The following WDR17 variants were observed in gnomAD, a reference collection of about 807,000 sequenced individuals.
The protein encoded by WDR17 is WD repeat-containing protein 17.
WDR17 carries 143 observed loss-of-function variants against 161.7 expected under a neutral mutation model. The observed-to-expected ratio is 0.88, with a 90% CI of 0.77 to 1.02. The LOEUF is 1.02. Ranked by LOEUF, WDR17 falls within the 50% of genes least tolerant of loss-of-function variation. WDR17 has a pLI of 0.00. For missense variants in WDR17, 1,469 were observed against 1,520.9 expected (o/e 0.97, Z 0.57); for synonymous variants, 517 against 515.6 (o/e 1.00, Z -0.04).
intron 18 of WDR17, among the ~76,000 whole-genome samples, chr4:176,157,691 T>A (rs886502747): frequency 6.6e-6 from 1 of 152,256 alleles, no homozygotes; most frequent in African/African-American, 2.4e-5. Flanking sequence ...CGTGTTAATA[T>A]TGCAGAATAA....
intron 2 of WDR17, among the ~76,000 whole-genome samples, chr4:176,113,808 T>C (rs1262709487): frequency 6.6e-6 from 1 of 152,032 alleles, no homozygotes; most frequent in Admixed American, 6.6e-5. Flanking sequence ...TTCTGAATGA[T>C]TAAATGATAA....
At chr4:176,177,006 C>A in intron 26 of WDR17, 52 bp from the exon 27 acceptor site, 1 of 1,304,232 alleles carries the variant, frequency 7.7e-7, no homozygotes, top group Non-Finnish European at 1.1e-6. Flanking sequence ...TTTGCTTTTT[C>A]TGATATCTTA....
rs1207761849 is a variant in WDR17, at chr4:176,119,967, T to G, written c.408T>G (p.Asp136Glu). 6.2e-7 allele frequency: 1 copy of G among 1,613,916 alleles called. No homozygotes were observed. Among genetic ancestry groups the G allele is most frequent in the African/African-American group, 1.3e-5 (1 of 74,888 alleles). Residue 136 changes from aspartate (D) to glutamate (E), a missense_variant, in exon 4 of 29, where the codon GAT becomes GAG. By Grantham distance (45) the Asp-to-Glu change is conservative. Coordinates refer to ENST00000508596, the MANE Select transcript of WDR17 (RefSeq NM_181265.4). ...PLFIWTISGPDSGVIVHKDAH... is the reference protein window; with the variant it reads ...PLFIWTISGPESGVIVHKDAH... Reference sequence around the variant, plus strand: ...TCATTTGGACCATCTCAGGACCAGATAGTGGAGTGATTGTACACAAAGATG... The same window carrying G: ...TCATTTGGACCATCTCAGGACCAGAGAGTGGAGTGATTGTACACAAAGATG...
chr4:176,076,235 A>AATG (rs1334761273), intron 1 of WDR17, among the ~76,000 whole-genome samples: 3 of 33,480 alleles, frequency 9.0e-5, no homozygotes, highest in Non-Finnish European at 3.0e-4. Context: ...ATATATATAT[A>AATG]TATATATATA....
At chr4:176,069,994 G>A (rs1733019532) in intron 1 of WDR17, among the ~76,000 whole-genome samples, 1 of 151,984 alleles carries the variant, frequency 6.6e-6, no homozygotes, top group African/African-American at 2.4e-5. Flanking sequence ...GGTTTGAAGG[G>A]GTCATTTTGG....
intron 1 of WDR17, among the ~76,000 whole-genome samples, chr4:176,088,194 C>G (rs761041929): frequency 3.9e-5 from 6 of 151,942 alleles, no homozygotes; most frequent in Non-Finnish European, 8.8e-5. Flanking sequence ...AAAATACTTC[C>G]TTTTTCAACT....
At chr4:176,146,291 T>A in intron 12 of WDR17, 132 bp downstream of exon 12, 1 of 928,884 alleles carries the variant, frequency 1.1e-6, no homozygotes, top group Non-Finnish European at 1.5e-6. Context: ...TGGAATGCAG[T>A]GGCGTGATCG....
chr4:176,115,111 A>C (rs1217577323), intron 2 of WDR17, among the ~76,000 whole-genome samples: 1 of 152,056 alleles, frequency 6.6e-6, no homozygotes. Flanking sequence ...AAAACTTAGA[A>C]TAGCACTGTG....
chr4:176,126,082 T>A (rs1225457311), intron 5 of WDR17, among the ~76,000 whole-genome samples: 1 of 152,218 alleles, frequency 6.6e-6, no homozygotes, highest in Non-Finnish European at 1.5e-5. Context: ...AGAGCCTACA[T>A]GACCTAACTG....
At chr4:176,156,186 C>T (rs1487288971) in intron 18 of WDR17, 43 bp downstream of exon 18, 13 of 1,578,734 alleles carry the variant, frequency 8.2e-6, no homozygotes, top group Non-Finnish European at 1.1e-5. Flanking sequence ...GTTTTAAAAT[C>T]ATGTTAGAAT....
chr4:176,134,781 A>G (rs377090500), intron 7 of WDR17, among the ~76,000 whole-genome samples: 1 of 151,856 alleles, frequency 6.6e-6, no homozygotes, highest in Non-Finnish European at 1.5e-5. Flanking sequence ...CTAGCATAGT[A>G]TCCTGTAAGT....
At chr4:176,068,592 A>G (rs1244147090) in intron 1 of WDR17, among the ~76,000 whole-genome samples, 1 of 152,328 alleles carries the variant, frequency 6.6e-6, no homozygotes, top group Non-Finnish European at 1.5e-5. Context: ...ACAGAGCAAG[A>G]CAACGTCAAA....
intron 22 of WDR17, among the ~76,000 whole-genome samples, chr4:176,167,728 A>G (rs1261847541): frequency 6.6e-6 from 1 of 151,336 alleles, no homozygotes; most frequent in South Asian, 2.1e-4. Flanking sequence ...GTATGCATCC[A>G]TTTACTCCTC....
intron 1 of WDR17, among the ~76,000 whole-genome samples, chr4:176,085,421 A>G (rs1735299663): frequency 6.6e-6 from 1 of 152,100 alleles, no homozygotes; most frequent in African/African-American, 2.4e-5. Flanking sequence ...AGAATTCGCC[A>G]GTGAAACGAT....
intron 7 of WDR17, among the ~76,000 whole-genome samples, chr4:176,132,781 A>G (rs1250534762): frequency 6.6e-6 from 1 of 151,902 alleles, no homozygotes; most frequent in Non-Finnish European, 1.5e-5. Flanking sequence ...ACTTCAAATT[A>G]CCATTTGTTT....
chr4:176,176,910 T>G, intron 26 of WDR17, 148 bp from the exon 27 acceptor site: 2 of 571,222 alleles, frequency 3.5e-6, no homozygotes, highest in Non-Finnish European at 6.1e-6. Flanking sequence ...ACGCATATAC[T>G]AGAAAATATT....
At chr4:176,139,260 C>A (rs1744876630) in intron 9 of WDR17, among the ~76,000 whole-genome samples, 1 of 151,810 alleles carries the variant, frequency 6.6e-6, no homozygotes, top group Admixed American at 6.6e-5. Flanking sequence ...ACTGATCACA[C>A]CGTTGATGAA....
intron 1 of WDR17, among the ~76,000 whole-genome samples, chr4:176,091,960 G>T (rs1364343183): frequency 6.6e-6 from 1 of 151,978 alleles, no homozygotes; most frequent in Non-Finnish European, 1.5e-5. Flanking sequence ...ATAATAAAAA[G>T]TCTCCCATCA....
chr4:176,119,875 G>A lies in WDR17; in HGVS notation c.316G>A (p.Ala106Thr), dbSNP rs778176770. Residue 106 changes from alanine (A) to threonine (T), a missense_variant, in exon 4 of 29, where the codon GCT (alanine) becomes ACT (threonine). Physicochemically the swap from Ala to Thr is moderately conservative, Grantham distance 58 (BLOSUM62 0). Transcript: ENST00000508596. The part of the protein sequence containing the change: ...AKLDSTKGIP[A>T]SLSWCWNAED... ...TATTTAATGTATTCCAGGGATCCCT[G>A]CTTCTCTTAGTTGGTGCTGGAATGC... 9 of 1,613,958 alleles carry A rather than the reference G, an allele frequency of 5.6e-6. No homozygotes were observed. The South Asian group carries it at 9.9e-5, about 18-fold the overall frequency.
Sources: gnomAD v4.1 joint callset for allele counts (sites outside exome capture counted in the v4.1 genomes callset) on GRCh38, gnomAD v4.1.1 for gene constraint, MANE v1.5 for transcripts, NCBI Gene and HGNC (gene_info 2026-07-23, HGNC 2026-07-21) for gene names.